Variants in ROBO2 observed in about 807,000 individuals in gnomAD.
ROBO2 encodes the protein roundabout homolog 2.
A neutral mutation model predicts 160.8 loss-of-function variants in ROBO2; 53 were observed. That is an observed-to-expected ratio of 0.33 (90% CI 0.26 to 0.41). The LOEUF (loss-of-function observed/expected upper bound fraction) is 0.41, where lower values mean the gene tolerates loss of function less well. Among genes scored for constraint, ROBO2 ranks in the 10% least tolerant of loss-of-function variants. The pLI, the probability that ROBO2 is intolerant of heterozygous loss-of-function variation, is 1.00. For missense variants in ROBO2, 1,577 were observed against 1,722.4 expected, an observed-to-expected ratio of 0.92 and a Z score of 1.49; for synonymous variants, 664 against 611.7, an observed-to-expected ratio of 1.09 and a Z score of -1.26.
exon 12 of ROBO2, chr3:77,565,067 A>T (rs1380097825): frequency 1.9e-6 from 3 of 1,613,666 alleles, no homozygotes; most frequent in African/African-American, 1.3e-5. Flanking sequence ...AGAGCGATCA[A>T]CCCCCAAGGT....
intron 2 of ROBO2, among the ~76,000 whole-genome samples, chr3:76,773,350 A>G (rs899279104): frequency 1.3e-5 from 2 of 150,762 alleles, no homozygotes; most frequent in African/African-American, 4.8e-5. Context: ...AAAACTTCTA[A>G]GAGTGGTCAG....
At position 76,149,667 on chromosome 3, in the gene ROBO2, A is replaced by G. The variant is rs1186379747; in HGVS notation, c.109+212065A>G. ...TGTCTAAAGCACACATCATCTGTCT[A>G]AAACACACATCATCTGTCTAAAACA... is the stretch of plus-strand genomic sequence containing the variant. On this transcript the variant is annotated intron_variant, in intron 2 of 26. Transcript: ENST00000487694. Among the ~76,000 whole-genome samples, 2 of 129,742 alleles carry G rather than the reference A, an allele frequency of 1.5e-5. 1 individual carries two copies. The highest frequency in any genetic ancestry group is 5.2e-5 in the African/African-American group (2 of 38,354). The allele number at this position is 129,742 out of a possible 152,430, so 85.1% of individuals were successfully genotyped here.
At chr3:76,458,744 C>G (rs1325219898) in intron 2 of ROBO2, among the ~76,000 whole-genome samples, 2 of 151,972 alleles carry the variant, frequency 1.3e-5, no homozygotes, top group Non-Finnish European at 2.9e-5. Flanking sequence ...AGGGAAAAGG[C>G]ACTTCTTACA....
At chr3:76,608,151 A>T (rs1228048487) in intron 2 of ROBO2, among the ~76,000 whole-genome samples, 2 of 152,188 alleles carry the variant, frequency 1.3e-5, no homozygotes, top group Non-Finnish European at 2.9e-5. Context: ...ATTTCTGTGG[A>T]CTTCCTCAAC....
At chr3:76,068,277 GA>G (rs1279213260) in intron 2 of ROBO2, among the ~76,000 whole-genome samples, 1 of 152,172 alleles carries the variant, frequency 6.6e-6, no homozygotes, top group African/African-American at 2.4e-5. Context: ...AGCAGAAGGA[GA>G]CAGTGGGGTA....
At chr3:76,619,604 AT>A (rs1439127722) in intron 2 of ROBO2, among the ~76,000 whole-genome samples, 2 of 152,240 alleles carry the variant, frequency 1.3e-5, no homozygotes, top group Non-Finnish European at 2.9e-5. Flanking sequence ...GCATATTATC[AT>A]TACAAAGTAG....
At chr3:76,853,754 T>C (rs1289425539) in intron 2 of ROBO2, among the ~76,000 whole-genome samples, 1 of 152,136 alleles carries the variant, frequency 6.6e-6, no homozygotes, top group Non-Finnish European at 1.5e-5. Context: ...ATATTGTCGT[T>C]TGTTCTGTCT....
chr3:77,562,860 C>T, intron 10 of ROBO2, 128 bp downstream of exon 11: 2 of 762,580 alleles, frequency 2.6e-6, no homozygotes, highest in Non-Finnish European at 4.6e-6. Flanking sequence ...ACATTCAATG[C>T]CATTTTTTAA....
At chr3:76,344,739 G>T (rs2074425964) in intron 2 of ROBO2, among the ~76,000 whole-genome samples, 1 of 152,224 alleles carries the variant, frequency 6.6e-6, no homozygotes, top group African/African-American at 2.4e-5. Context: ...GTCGATCTGG[G>T]TTAAAATGCC....
intron 2 of ROBO2, among the ~76,000 whole-genome samples, chr3:76,165,042 C>T (rs2072774694): frequency 7.5e-6 from 1 of 133,652 alleles, no homozygotes; most frequent in Non-Finnish European, 1.6e-5. Flanking sequence ...CCATATTTGA[C>T]AACATACAGT....
intron 1 of ROBO2, among the ~76,000 whole-genome samples, chr3:77,070,453 C>A (rs1225842248): frequency 6.6e-6 from 1 of 151,988 alleles, no homozygotes; most frequent in Non-Finnish European, 1.5e-5. Context: ...AGGACATTTT[C>A]ATTGAACTTA....
At chr3:77,299,877 A>C (rs749861873) in intron 2 of ROBO2, among the ~76,000 whole-genome samples, 3 of 152,116 alleles carry the variant, frequency 2.0e-5, no homozygotes, top group Non-Finnish European at 4.4e-5. Context: ...GAGAATGGAA[A>C]TGGAGACCCC....
At chr3:76,958,140 C>T (rs1428036517) in intron 2 of ROBO2, among the ~76,000 whole-genome samples, 2 of 152,222 alleles carry the variant, frequency 1.3e-5, no homozygotes, top group Admixed American at 1.3e-4. Context: ...ATATTCCAGA[C>T]TAAGAGCTGC....
intron 2 of ROBO2, among the ~76,000 whole-genome samples, chr3:75,964,134 C>CAGTAGGTGTAAG (rs1949023120): frequency 6.6e-6 from 1 of 151,584 alleles, no homozygotes; most frequent in Non-Finnish European, 1.5e-5. Flanking sequence ...TTTTTTTCCT[C>CAGTAGGTGTAAG]AGTAGGTGTA....
intron 2 of ROBO2, among the ~76,000 whole-genome samples, chr3:75,966,847 A>G (rs536873754): frequency 9.9e-5 from 15 of 151,664 alleles, no homozygotes; most frequent in Non-Finnish European, 1.8e-4. Context: ...AGAAATCTCT[A>G]TTTTCTTATG....
At chr3:76,184,468 C>T (rs1228699630) in intron 2 of ROBO2, among the ~76,000 whole-genome samples, 2 of 151,970 alleles carry the variant, frequency 1.3e-5, no homozygotes, top group Non-Finnish European at 2.9e-5. Context: ...GTCTTGATCT[C>T]TTCATGGGAG....
chr3:75,980,834 T>G (rs1456890769), intron 2 of ROBO2, among the ~76,000 whole-genome samples: 1 of 151,504 alleles, frequency 6.6e-6, no homozygotes, highest in South Asian at 2.1e-4. Context: ...AAGAATACAC[T>G]GTTAAGTGCA....
intron 2 of ROBO2, among the ~76,000 whole-genome samples, chr3:76,048,512 A>G (rs1447531271): frequency 6.6e-6 from 1 of 152,226 alleles, no homozygotes; most frequent in African/African-American, 2.4e-5. Context: ...GTAAGCAGTA[A>G]ATGATTAGTC....
intron 2 of ROBO2, among the ~76,000 whole-genome samples, chr3:76,116,484 A>G (rs2070477127): frequency 6.6e-6 from 1 of 152,134 alleles, no homozygotes; most frequent in African/African-American, 2.4e-5. Context: ...ACATTTTGCT[A>G]GTGTAGATGT....
Sources: allele counts gnomAD v4.1 joint callset (sites outside exome capture counted in the v4.1 genomes callset), GRCh38; gene constraint gnomAD v4.1.1; transcripts MANE v1.5; gene names NCBI Gene and HGNC (gene_info 2026-07-23, HGNC 2026-07-21).